Variants in CCDC177 observed in about 807,000 individuals in gnomAD.
CCDC177 encodes the protein coiled-coil domain containing 177.
Under a neutral mutation model 7.3 loss-of-function variants are expected in CCDC177, and 2 were observed. That is an observed-to-expected ratio of 0.28 (90% CI 0.11 to 0.87). CCDC177 has a LOEUF of 0.87. Ranked by LOEUF, CCDC177 falls within the 40% of genes least tolerant of loss-of-function variation. CCDC177 has a pLI of 0.61. For missense variants in CCDC177, 874 were observed against 970.5 expected, an observed-to-expected ratio of 0.90 and a Z score of 1.32; for synonymous variants, 401 against 449.2, an observed-to-expected ratio of 0.89 and a Z score of 1.36.
At position 69,572,807 on chromosome 14, in the gene CCDC177, C is replaced by T; in HGVS notation, c.816G>A (p.Arg272=). 8.1e-7 allele frequency: 1 copy of T among 1,231,464 alleles called. No individual in the cohort carries two copies. Among genetic ancestry groups the T allele is most frequent in the Non-Finnish European group, 1.0e-6 (1 of 987,784 alleles). The allele number at this position is 1,231,464 out of a possible 1,614,324, so 76.3% of individuals were successfully genotyped here. Residue 272 remains arginine (R), a synonymous_variant, in exon 2 of 2, where the codon AGG becomes AGA. Coordinates refer to ENST00000599174, the MANE Select transcript of CCDC177 (RefSeq NM_001271507.2). ...ELRWPPRASA[R]NSCPAGSASS... ...ACGCCGACCCCGCTGGGCAGCTGTTCCTGGCCGAGGCCCGAGGCGGCCAGC... is the reference window on the plus strand; with the variant it reads ...ACGCCGACCCCGCTGGGCAGCTGTTTCTGGCCGAGGCCCGAGGCGGCCAGC...
chr14:69,573,773 G>C (rs1884384628), intron 1 of CCDC177, 123 bp from the exon 2 acceptor site: 3 of 922,430 alleles, frequency 3.3e-6, no homozygotes, highest in South Asian at 1.1e-4. Context: ...TTGGTGGAAC[G>C]TAAATCATAA....
Position 69,572,946 on chromosome 14 carries a change from G to C in CCDC177, c.677C>G (p.Thr226Arg), listed in dbSNP as rs1884363723. 8.1e-7 allele frequency: 1 copy of C among 1,231,320 alleles called. No homozygotes were observed. 76.3% of individuals were successfully genotyped at this position (1,231,320 alleles called of 1,614,324 possible). ...GTCCAGCGAATGGCTCTTCCTGCCT[G>C]TTCGAGAACCCGCTGGCGGAGGTTG... ...RTQPPPAGSR[T>R]GRKSHSLDSL... is the part of the protein sequence containing the mutation. Residue 226 changes from threonine to arginine, a missense_variant, in exon 2 of 2, where the codon ACA becomes AGA. Thr to Arg is a moderately conservative substitution (Grantham distance 71, BLOSUM62 -1). Coordinates refer to ENST00000599174, the MANE Select transcript of CCDC177 (RefSeq NM_001271507.2).
chr14:69,570,620 G>A lies in CCDC177; in HGVS notation c.*879C>T, dbSNP rs140518747. 1,323 of 362,094 alleles carry A rather than the reference G, an allele frequency of 3.7e-3. 5 individuals are homozygous for A. Among genetic ancestry groups the A allele is most frequent in the Middle Eastern group, 0.013 (14 of 1,072 alleles). 22.4% of individuals were successfully genotyped at this position (362,094 alleles called of 1,614,324 possible). ...AGGCAGGAACAGCCTGGGCAGGCAC[G>A]TAAGGTAGCTCTGCTTCTTAAGGCA... On this transcript the variant is annotated 3_prime_UTR_variant, in exon 2 of 2. Coordinates refer to ENST00000599174, the MANE Select transcript of CCDC177 (RefSeq NM_001271507.2).
Position 69,572,265 on chromosome 14 carries a change from C to T in CCDC177, c.1358G>A (p.Arg453His). 8.1e-7 allele frequency: 1 copy of T among 1,229,000 alleles called. No individual in the cohort carries two copies. Among genetic ancestry groups the T allele is most frequent in the Middle Eastern group, 3.1e-4 (1 of 3,198 alleles). The allele number at this position is 1,229,000 out of a possible 1,614,324, so 76.1% of individuals were successfully genotyped here. Residue 453 changes from arginine (R) to histidine (H), a missense_variant, in exon 2 of 2, where the codon CGC becomes CAC. Coordinates refer to ENST00000599174, the MANE Select transcript of CCDC177 (RefSeq NM_001271507.2). ...AERAAREDRL[R>H]KLQQEQNLKQ... is the part of the protein sequence containing the mutation. ...CAGGTTCTGCTCCTGCTGAAGCTTG[C>T]GCAGCCGATCCTCCCGGGCCGCGCG...
rs1374268558 is a variant in CCDC177, at chr14:69,571,963, G to C, written c.1660C>G (p.Arg554Gly). 3 of 1,231,924 alleles carry C rather than the reference G, an allele frequency of 2.4e-6. No individual in the cohort carries two copies. In the African/African-American group the frequency reaches 4.7e-5, roughly 19 times the overall value. The allele number at this position is 1,231,924 out of a possible 1,614,324, so 76.3% of individuals were successfully genotyped here. A position where few individuals can be genotyped will look rare whatever the true frequency, so the allele number is the denominator to read the frequency against. The change falls in exon 2 of 2, where the codon CGG becomes GGG. Residue 554 changes from arginine to glycine, a missense_variant. By Grantham distance (125) the Arg-to-Gly change is moderately radical. Coordinates refer to ENST00000599174, the MANE Select transcript of CCDC177 (RefSeq NM_001271507.2). ...CGCCGGGCCCGCTCCCGCAGCTCCC[G>C]GGTGCGCTGCTCCACCAAATGCTCG... ...NYEHLVEQRT[R>G]ELRERARREE...
rs2139565457 is a variant in CCDC177 at position 69,573,203 on chromosome 14, C to G, written c.420G>C (p.Glu140Asp). The G allele has an allele frequency of 8.1e-7, 1 of 1,230,854 alleles. No individual in the cohort carries two copies. The highest frequency in any genetic ancestry group is 3.1e-4 in the Middle Eastern group (1 of 3,204). The allele number at this position is 1,230,854 out of a possible 1,614,324, so 76.2% of individuals were successfully genotyped here. A position where few individuals can be genotyped will look rare whatever the true frequency, so the allele number is the denominator to read the frequency against. Reference protein sequence around the residue: ...ATGLYEAYEAERRAKLQQCRA... With the variant: ...ATGLYEAYEADRRAKLQQCRA... Reference sequence around the variant, plus strand: ...GGCATTGCTGCAGCTTGGCGCGCCGCTCCGCCTCGTAGGCCTCATACAGGC... The same window carrying G: ...GGCATTGCTGCAGCTTGGCGCGCCGGTCCGCCTCGTAGGCCTCATACAGGC... The change falls in exon 2 of 2, where the codon GAG becomes GAC. Residue 140 changes from glutamate (E) to aspartate (D), a missense_variant. Transcript: ENST00000599174.
At position 69,573,296 on chromosome 14, in the gene CCDC177, C is replaced by T. The variant is rs1884374493; in HGVS notation, c.327G>A (p.Glu109=). Residue 109 remains glutamate, a synonymous_variant, in exon 2 of 2, where the codon GAG becomes GAA. Coordinates refer to ENST00000599174, the MANE Select transcript of CCDC177 (RefSeq NM_001271507.2). The part of the protein sequence containing the change: ...ACARCAVKPV[E]LLPRALADLV... ...GGTCGGCCAGGGCCCGTGGCAGCAG[C>T]TCCACCGGCTTGACCGCACAGCGGG... 8.1e-7 allele frequency: 1 copy of T among 1,231,512 alleles called. No homozygotes were observed. The highest frequency in any genetic ancestry group is 1.0e-6 in the Non-Finnish European group (1 of 987,814). The allele number at this position is 1,231,512 out of a possible 1,614,324, so 76.3% of individuals were successfully genotyped here. A position where few individuals can be genotyped will look rare whatever the true frequency, so the allele number is the denominator to read the frequency against.
Position 69,572,141 on chromosome 14 carries a change from C to G in CCDC177, c.1482G>C (p.Glu494Asp), listed in dbSNP as rs1595012190. 8.1e-7 allele frequency: 1 copy of G among 1,230,900 alleles called. No individual in the cohort carries two copies. Among genetic ancestry groups the G allele is most frequent in the South Asian group, 4.1e-5 (1 of 24,320 alleles). 76.2% of individuals were successfully genotyped at this position (1,230,900 alleles called of 1,614,324 possible). ...QRAARAKQRQEGQLQREKREL... is the reference protein window; with the variant it reads ...QRAARAKQRQDGQLQREKREL... Reference sequence around the variant, plus strand: ...CCCGCTTCTCCCGCTGCAGCTGGCCCTCCTGCCGCTGCTTGGCGCGGGCCG... The same window carrying G: ...CCCGCTTCTCCCGCTGCAGCTGGCCGTCCTGCCGCTGCTTGGCGCGGGCCG... The change falls in exon 2 of 2, where the codon GAG becomes GAC. Residue 494 changes from glutamate (E) to aspartate (D), a missense_variant. Transcript: ENST00000599174.
rs1257437509 is a variant in CCDC177, at chr14:69,572,677, G to C, written c.946C>G (p.Gln316Glu). Residue 316 changes from glutamine (Q) to glutamate (E), a missense_variant, in exon 2 of 2, where the codon CAG (glutamine) becomes GAG (glutamate). Physicochemically the swap from Gln to Glu is conservative, Grantham distance 29. Transcript: ENST00000599174. ...TGACGCACGATGCGCTCCACGTGCT[G>C]AGCGGTCTGCGGCGAATGGCTCAGG... ...GDLSHSPQTA[Q>E]HVERIVRQVR... 8.1e-7 allele frequency: 1 copy of C among 1,231,282 alleles called. No individual in the cohort carries two copies. Among genetic ancestry groups the C allele is most frequent in the African/African-American group, 1.6e-5 (1 of 64,418 alleles). The allele number at this position is 1,231,282 out of a possible 1,614,324, so 76.3% of individuals were successfully genotyped here. A position where few individuals can be genotyped will look rare whatever the true frequency, so the allele number is the denominator to read the frequency against.
chr14:69,571,775 C>G lies in CCDC177; in HGVS notation c.1848G>C (p.Gln616His), dbSNP rs1367952033. The change falls in exon 2 of 2, where the codon CAG (glutamine) becomes CAC (histidine). Residue 616 changes from glutamine (Q) to histidine (H), a missense_variant. Transcript: ENST00000599174. ...AVQQKARRVG[Q>H]SRLEKERAQR... ...GGGCTCGTTCCTTCTCCAGCCGGCT[C>G]TGGCCCACGCGCCGCGCCTTCTGCT... 1 of 1,231,510 alleles carries G rather than the reference C, an allele frequency of 8.1e-7. No individual in the cohort carries two copies. The highest frequency in any genetic ancestry group is 1.0e-6 in the Non-Finnish European group (1 of 987,938). The allele number at this position is 1,231,510 out of a possible 1,614,324, so 76.3% of individuals were successfully genotyped here. A position where few individuals can be genotyped will look rare whatever the true frequency, so the allele number is the denominator to read the frequency against.
chr14:69,573,597 T>C lies in CCDC177; in HGVS notation c.26A>G (p.Glu9Gly). MVDPVPEE[E>G]KAGAEPGDSG... ...GTCGCCGGGTTCCGCTCCTGCCTTC[T>C]CTTCTTCAGGCACTGGGTCCACCAT... The change falls in exon 2 of 2, where the codon GAG (glutamate) becomes GGG (glycine). Residue 9 changes from glutamate (E) to glycine (G), a missense_variant. Glu to Gly is a moderately conservative substitution (Grantham distance 98, BLOSUM62 -2). Transcript: ENST00000599174. 2 of 1,231,826 alleles carry C rather than the reference T, an allele frequency of 1.6e-6. No homozygotes were observed. The highest frequency in any genetic ancestry group is 2.0e-6 in the Non-Finnish European group (2 of 988,016). The allele number at this position is 1,231,826 out of a possible 1,614,324, so 76.3% of individuals were successfully genotyped here.
rs966967997 is a variant in CCDC177, at chr14:69,573,195, G to A, written c.428C>T (p.Ala143Val). 35 of 1,230,630 alleles carry A rather than the reference G, an allele frequency of 2.8e-5. No individual in the cohort carries two copies. The East Asian group carries it at 1.1e-3, about 39-fold the overall frequency. 76.2% of individuals were successfully genotyped at this position (1,230,630 alleles called of 1,614,324 possible). The change falls in exon 2 of 2, where the codon GCC becomes GTC. Residue 143 changes from alanine to valine, a missense_variant. Transcript: ENST00000599174. ...LYEAYEAERR[A>V]KLQQCRAERE... ...CTCGGCCCGGCATTGCTGCAGCTTG[G>A]CGCGCCGCTCCGCCTCGTAGGCCTC...
rs1884317110 is a variant in CCDC177 at position 69,571,210 on chromosome 14, T to C, written c.*289A>G. On this transcript the variant is annotated 3_prime_UTR_variant, in exon 2 of 2. Coordinates refer to ENST00000599174, the MANE Select transcript of CCDC177 (RefSeq NM_001271507.2). ...CCTGATCAGCCCCTTTCCCCCAAGC[T>C]TCTCTATTCCAGCCCAAGAGACACA... 2 of 558,034 alleles carry C rather than the reference T, an allele frequency of 3.6e-6. No homozygotes were observed. The highest frequency in any genetic ancestry group is 6.2e-5 in the East Asian group (2 of 32,276). 34.6% of individuals were successfully genotyped at this position (558,034 alleles called of 1,614,324 possible).
rs1884338933 is a variant in CCDC177 at position 69,572,153 on chromosome 14, C to T, written c.1470G>A (p.Lys490=). 2 of 1,230,804 alleles carry T rather than the reference C, an allele frequency of 1.6e-6. No homozygotes were observed. The highest frequency in any genetic ancestry group is 1.0e-6 in the Non-Finnish European group (1 of 987,422). 76.2% of individuals were successfully genotyped at this position (1,230,804 alleles called of 1,614,324 possible). The change falls in exon 2 of 2, where the codon AAG becomes AAA. Residue 490 remains lysine, a synonymous_variant. Transcript: ENST00000599174. ...RERAQRAARA[K]QRQEGQLQRE... ...GCTGCAGCTGGCCCTCCTGCCGCTG[C>T]TTGGCGCGGGCCGCGCGCTGGGCGC... is the stretch of plus-strand genomic sequence containing the variant.
Position 69,572,174 on chromosome 14 carries a change from G to C in CCDC177, c.1449C>G (p.Ala483=). 1.6e-6 allele frequency: 2 copies of C among 1,228,446 alleles called. No homozygotes were observed. The highest frequency in any genetic ancestry group is 1.0e-6 in the Non-Finnish European group (1 of 986,462). The allele number at this position is 1,228,446 out of a possible 1,614,324, so 76.1% of individuals were successfully genotyped here. Residue 483 remains alanine (A), a synonymous_variant, in exon 2 of 2, where the codon GCC becomes GCG. Transcript: ENST00000599174. The part of the protein sequence containing the change: ...ERAEQIRRER[A]QRAARAKQRQ... ...GCTGCTTGGCGCGGGCCGCGCGCTG[G>C]GCGCGCTCCCTGCGGATCTGCTCAG...
Position 69,571,099 on chromosome 14 carries a change from A to C in CCDC177, c.*400T>G. On this transcript the variant is annotated 3_prime_UTR_variant, in exon 2 of 2. Coordinates refer to ENST00000599174, the MANE Select transcript of CCDC177 (RefSeq NM_001271507.2). The stretch of plus-strand genomic sequence containing the variant: ...CAGTAGCAACACTGTCTCAGACACC[A>C]ATGTCGAACAGGTGCCTGGGGCAAC... 1 of 469,772 alleles carries C rather than the reference A, an allele frequency of 2.1e-6. No homozygotes were observed. The highest frequency in any genetic ancestry group is 1.6e-5 in the South Asian group (1 of 61,512). The allele number at this position is 469,772 out of a possible 1,614,324, so 29.1% of individuals were successfully genotyped here.
At position 69,571,520 on chromosome 14, in the gene CCDC177, G is replaced by A. The variant is rs1252005558; in HGVS notation, c.2103C>T (p.His701=). 2 of 1,244,246 alleles carry A rather than the reference G, an allele frequency of 1.6e-6. No individual in the cohort carries two copies. Among genetic ancestry groups the A allele is most frequent in the African/African-American group, 3.1e-5 (2 of 64,668 alleles). The allele number at this position is 1,244,246 out of a possible 1,614,324, so 77.1% of individuals were successfully genotyped here. The change falls in exon 2 of 2, where the codon CAC becomes CAT. Residue 701 remains histidine, a synonymous_variant. Coordinates refer to ENST00000599174, the MANE Select transcript of CCDC177 (RefSeq NM_001271507.2). ...FDRMVREAQL[H]ASLDRK ...GCAGTTATTTGCGGTCCAGGCTGGC[G>A]TGTAGCTGGGCCTCCCGCACCATGC...
rs1004851211 is a variant in CCDC177, at chr14:69,571,416, G to A, written c.*83C>T. 36 of 988,658 alleles carry A rather than the reference G, an allele frequency of 3.6e-5. No individual in the cohort carries two copies. Among genetic ancestry groups the A allele is most frequent in the Admixed American group, 7.4e-5 (2 of 27,044 alleles). The allele number at this position is 988,658 out of a possible 1,614,324, so 61.2% of individuals were successfully genotyped here. On this transcript the variant is annotated 3_prime_UTR_variant, in exon 2 of 2. Coordinates refer to ENST00000599174, the MANE Select transcript of CCDC177 (RefSeq NM_001271507.2). ...TCGAGAGGCCACCGCGCTGCGCACC[G>A]AGCGGGGACTCCCACGATGGTCAGT...
chr14:69,571,511 C>T lies in CCDC177; in HGVS notation c.2112G>A (p.Leu704=). 1 of 1,245,704 alleles carries T rather than the reference C, an allele frequency of 8.0e-7. No homozygotes were observed. Among genetic ancestry groups the T allele is most frequent in the Non-Finnish European group, 1.0e-6 (1 of 995,134 alleles). 77.2% of individuals were successfully genotyped at this position (1,245,704 alleles called of 1,614,324 possible). Residue 704 remains leucine, a synonymous_variant, in exon 2 of 2, where the codon CTG becomes CTA. Transcript: ENST00000599174. ...CAAAGAGCCGCAGTTATTTGCGGTC[C>T]AGGCTGGCGTGTAGCTGGGCCTCCC... is the stretch of plus-strand genomic sequence containing the variant. ...MVREAQLHAS[L]DRK
Sources: gnomAD v4.1 joint callset for allele counts on GRCh38, gnomAD v4.1.1 for gene constraint, MANE v1.5 for transcripts, NCBI Gene and HGNC (gene_info 2026-07-23, HGNC 2026-07-21) for gene names.